The following MDH1B variants were observed in gnomAD, a reference collection of about 807,000 sequenced individuals.
MDH1B encodes the protein malate dehydrogenase 1B, also known as putative malate dehydrogenase 1B.
In MDH1B, 60 loss-of-function variants were observed where a neutral mutation model predicts 61.4. The observed-to-expected ratio is 0.98, with a 90% confidence interval of 0.79 to 1.21. MDH1B has a LOEUF of 1.21. Among genes scored for constraint, MDH1B ranks in the 50% most tolerant of loss-of-function variants. MDH1B has a pLI of 0.00. For missense variants in MDH1B, 587 were observed against 632.1 expected (o/e 0.93, Z 0.76); for synonymous variants, 236 against 218.7 (o/e 1.08, Z -0.70).
intron 9 of MDH1B, among the ~76,000 whole-genome samples, chr2:206,743,172 A>G (rs1452240820): frequency 6.6e-6 from 1 of 152,178 alleles, no homozygotes; most frequent in Admixed American, 6.5e-5. Context: ...GTTGCAGCTC[A>G]GGAAGCTTTC....
rs766832514 is a variant in MDH1B, at chr2:206,741,092, AG to A, written c.1420del (p.Leu474TrpfsTer9). ...TAGATTTTTTTCTTCATCAGGGACC[AG>A]ATCTTTATGTCCTGAAATCAAAATT... ...FQPYQSGHKD[L>X]VPDEEKNLAM... On this transcript the variant is annotated frameshift_variant, in exon 10 of 12. Transcript: ENST00000374412. LOFTEE classifies it high-confidence loss of function. 6.2e-7 allele frequency: 1 copy of A among 1,612,744 alleles called. No homozygotes were observed. The highest frequency in any genetic ancestry group is 2.2e-5 in the East Asian group (1 of 44,778).
Position 206,750,397 on chromosome 2 carries a change from A to T in MDH1B, c.1052+537T>A, listed in dbSNP as rs144320985. ...AGGCTGCTTAGCCTCTCTGTAACTC[A>T]GTTTTTCATCTGCAAAGTGGAAATG... On this transcript the variant is annotated intron_variant, in intron 6 of 11. Coordinates refer to ENST00000374412, the MANE Select transcript of MDH1B (RefSeq NM_001039845.3). 1.5e-4 allele frequency among the ~76,000 whole-genome samples: 22 copies of T among 144,218 alleles called. No homozygotes were observed. The East Asian group carries it at 4.6e-3, about 30-fold the overall frequency. 94.6% of individuals were successfully genotyped at this position (144,218 alleles called of 152,430 possible). A position where few individuals can be genotyped will look rare whatever the true frequency, so the allele number is the denominator to read the frequency against.
intron 9 of MDH1B, 79 bp downstream of exon 9, chr2:206,745,543 T>G: frequency 1.9e-6 from 2 of 1,056,992 alleles, no homozygotes; most frequent in African/African-American, 1.6e-5. Flanking sequence ...TTATTCATAT[T>G]AACAGTGATT....
chr2:206,763,913 C>T (rs1364152806), intron 1 of MDH1B, among the ~76,000 whole-genome samples: 1 of 151,914 alleles, frequency 6.6e-6, no homozygotes, highest in African/African-American at 2.4e-5. Context: ...TGCTATCGTT[C>T]CTATAGAACC....
chr2:206,760,844 C>A (rs2105955093), intron 2 of MDH1B, 57 bp downstream of exon 2: 2 of 989,800 alleles, frequency 2.0e-6, no homozygotes, highest in South Asian at 1.4e-5. Context: ...AATATTTAAT[C>A]AAATTAAAAC....
At chr2:206,752,055 CTGGTT>C (rs1688481121) in intron 5 of MDH1B, among the ~76,000 whole-genome samples, 1 of 152,122 alleles carries the variant, frequency 6.6e-6, no homozygotes, top group Non-Finnish European at 1.5e-5. Flanking sequence ...GTGACATGTG[CTGGTT>C]CAGCAGCTCA....
In MDH1B at chr2:206,765,292, C is replaced by T. The variant is rs374229492; in HGVS notation, c.-21G>A. ...GCCATGGTCGAGAGAGACTCAGAGGCAGGGACCGCGGCTTCGCGGTTTCCT... is the reference window on the plus strand; with the variant it reads ...GCCATGGTCGAGAGAGACTCAGAGGTAGGGACCGCGGCTTCGCGGTTTCCT... On this transcript the variant is annotated 5_prime_UTR_variant, in exon 1 of 12. Coordinates refer to ENST00000374412, the MANE Select transcript of MDH1B (RefSeq NM_001039845.3). 23 of 1,589,412 alleles carry T rather than the reference C, an allele frequency of 1.4e-5. No individual in the cohort carries two copies. The African/African-American group carries it at 2.9e-4, about 20-fold the overall frequency.
intron 1 of MDH1B, 44 bp from the exon 2 acceptor site, chr2:206,761,057 AATT>A (rs2105955705): frequency 9.6e-7 from 1 of 1,042,326 alleles, no homozygotes; most frequent in East Asian, 2.4e-5. Flanking sequence ...ATCATGCAGA[AATT>A]ATTATGTAGT....
chr2:206,753,597 T>C (rs1343392297), intron 5 of MDH1B, among the ~76,000 whole-genome samples: 1 of 152,244 alleles, frequency 6.6e-6, no homozygotes, highest in East Asian at 1.9e-4. Context: ...TCTTGGCATC[T>C]AGAATAATCC....
At position 206,750,960 on chromosome 2, in the gene MDH1B, G is replaced by C; in HGVS notation, c.1026C>G (p.Arg342=). 1 of 1,609,774 alleles carries C rather than the reference G, an allele frequency of 6.2e-7. No homozygotes were observed. ...SAIWGPLHYS[R]PVLNLIFDSE... ...TGTCAAAAATCAAGTTTAAAACAGG[G>C]CGTGAATAATGAAGAGGTCCCCAAA... Residue 342 remains arginine (R), a synonymous_variant, in exon 6 of 12, where the codon CGC becomes CGG. Transcript: ENST00000374412.
At chr2:206,753,291 C>T (rs565911643) in intron 5 of MDH1B, among the ~76,000 whole-genome samples, 1 of 152,258 alleles carries the variant, frequency 6.6e-6, no homozygotes, top group African/African-American at 2.4e-5. Context: ...TGACTTCAAT[C>T]ACTTTGTATT....
At chr2:206,754,437 G>C (rs1205983044) in intron 5 of MDH1B, among the ~76,000 whole-genome samples, 1 of 152,172 alleles carries the variant, frequency 6.6e-6, no homozygotes, top group Non-Finnish European at 1.5e-5. Context: ...AATAGGAGCA[G>C]AAACCGATCA....
At chr2:206,743,498 A>G (rs1443923538) in intron 9 of MDH1B, among the ~76,000 whole-genome samples, 2 of 152,042 alleles carry the variant, frequency 1.3e-5, no homozygotes, top group Non-Finnish European at 2.9e-5. Context: ...TTCTCTCTAG[A>G]CAATCTCCAC....
intron 5 of MDH1B, among the ~76,000 whole-genome samples, chr2:206,753,951 A>T (rs1453485718): frequency 6.6e-6 from 1 of 150,598 alleles, no homozygotes; most frequent in Non-Finnish European, 1.5e-5. Context: ...AGACTTTCTG[A>T]GATAAGTCAC....
In MDH1B at chr2:206,749,115, C is replaced by G. The variant is rs755533396; in HGVS notation, c.1121G>C (p.Gly374Ala). 4.3e-6 allele frequency: 7 copies of G among 1,613,982 alleles called. No homozygotes were observed. Among genetic ancestry groups the G allele is most frequent in the Non-Finnish European group, 3.4e-6 (4 of 1,179,988 alleles). ...GGCTATACTGTGTGCAGCCAAAATG[C>G]CTCCAAATTGTCTTCCTGTGGTGGT... ...NLTTTGRQFG[G>A]ILAAHSIATT... The change falls in exon 7 of 12, where the codon GGC becomes GCC. Residue 374 changes from glycine (G) to alanine (A), a missense_variant. Coordinates refer to ENST00000374412, the MANE Select transcript of MDH1B (RefSeq NM_001039845.3).
intron 1 of MDH1B, among the ~76,000 whole-genome samples, chr2:206,763,680 T>C (rs1052399780): frequency 4.6e-5 from 7 of 152,202 alleles, no homozygotes; most frequent in African/African-American, 1.4e-4. Context: ...CCTTGTACTA[T>C]TTGCTTCAGT....
At chr2:206,751,990 T>C (rs1474381499) in intron 5 of MDH1B, among the ~76,000 whole-genome samples, 2 of 152,214 alleles carry the variant, frequency 1.3e-5, no homozygotes, top group African/African-American at 4.8e-5. Context: ...CAGAATATCC[T>C]ACTGACTTGT....
Position 206,746,337 on chromosome 2 carries a change from C to T in MDH1B, c.1306G>A (p.Val436Ile). 6.2e-7 allele frequency: 1 copy of T among 1,613,874 alleles called. No individual in the cohort carries two copies. Among genetic ancestry groups the T allele is most frequent in the East Asian group, 2.2e-5 (1 of 44,856 alleles). ...GTCATTATTTGTTCACTTATTTCAA[C>T]ATCTTTGAGATCTGTAAGAACCACC... is the stretch of plus-strand genomic sequence containing the variant. ...TWVVLTDLKD[V>I]EISEQIMTRM... The change falls in exon 8 of 12, where the codon GTT (valine) becomes ATT (isoleucine). Residue 436 changes from valine to isoleucine, a missense_variant. Transcript: ENST00000374412.
chr2:206,747,278 T>C (rs529281579), intron 7 of MDH1B, among the ~76,000 whole-genome samples: 14 of 152,212 alleles, frequency 9.2e-5, no homozygotes, highest in Non-Finnish European at 2.1e-4. Flanking sequence ...TTTTGTTTAA[T>C]CTGTGAAGAG....
Sources: allele counts gnomAD v4.1 joint callset (sites outside exome capture counted in the v4.1 genomes callset), GRCh38; gene constraint gnomAD v4.1.1; transcripts MANE v1.5; gene names NCBI Gene and HGNC (gene_info 2026-07-23, HGNC 2026-07-21).